The following STXBP6 variants were observed in gnomAD, a reference collection of about 807,000 sequenced individuals.
STXBP6 encodes syntaxin binding protein 6, also known as syntaxin-binding protein 6.
Under a neutral mutation model 26.9 loss-of-function variants are expected in STXBP6, and 21 were observed. The ratio of observed to expected loss-of-function variants is 0.78; its 90% CI spans 0.55 to 1.12. The LOEUF (loss-of-function observed/expected upper bound fraction) is 1.12. STXBP6 is among the 50% of genes most tolerant of loss of function. STXBP6 has a pLI of 0.00. For synonymous variants in STXBP6, 97 were observed against 92.6 expected, an observed-to-expected ratio of 1.05 and a Z score of -0.27; for missense variants, 232 against 257.9, an observed-to-expected ratio of 0.90 and a Z score of 0.69.
intron 2 of STXBP6, among the ~76,000 whole-genome samples, chr14:24,896,957 G>A (rs2071012662): frequency 6.6e-6 from 1 of 152,150 alleles, no homozygotes; most frequent in Non-Finnish European, 1.5e-5. Context: ...TGTACCACTG[G>A]GTGAGACATA....
chr14:24,916,708 G>T (rs148218664), intron 2 of STXBP6, among the ~76,000 whole-genome samples: 31 of 152,066 alleles, frequency 2.0e-4, no homozygotes, highest in South Asian at 1.7e-3. Context: ...GGACACCTGG[G>T]GACCTTAGGT....
chr14:25,015,898 A>T (rs940987570), intron 1 of STXBP6, among the ~76,000 whole-genome samples: 64 of 152,204 alleles, frequency 4.2e-4, no homozygotes, highest in Admixed American at 3.9e-4. Flanking sequence ...ACAACTCAAC[A>T]TATGGCAGTG....
intron 5 of STXBP6, chr14:24,815,801 C>T (rs2067957254): frequency 6.6e-6 from 1 of 152,138 alleles, no homozygotes; most frequent in African/African-American, 2.4e-5. Context: ...AGATCTGTTT[C>T]TGCGATTGTG....
intron 2 of STXBP6, among the ~76,000 whole-genome samples, chr14:24,879,226 T>G (rs963349470): frequency 6.6e-6 from 1 of 152,206 alleles, no homozygotes; most frequent in African/African-American, 2.4e-5. Context: ...AAATAATATG[T>G]AAGATTGGTT....
Position 24,812,554 on chromosome 14 carries a change from C to T in STXBP6, c.*155G>A. On this transcript the variant is annotated 3_prime_UTR_variant, in exon 6 of 6. Transcript: ENST00000323944. ...GAAATGTAAAAATGCAACACCCTTT[C>T]TTTCACATTAACATCTGAAAAGAAA... 1.5e-6 allele frequency: 1 copy of T among 659,394 alleles called. No individual in the cohort carries two copies. Among genetic ancestry groups the T allele is most frequent in the African/African-American group, 1.8e-5 (1 of 54,692 alleles). The allele number at this position is 659,394 out of a possible 1,614,324, so 40.8% of individuals were successfully genotyped here. A position where few individuals can be genotyped will look rare whatever the true frequency, so the allele number is the denominator to read the frequency against.
At position 24,918,147 on chromosome 14, in the gene STXBP6, T is replaced by C. The variant is rs533343877; in HGVS notation, c.154+56518A>G. On this transcript the variant is annotated intron_variant, in intron 2 of 5. Coordinates refer to ENST00000323944, the MANE Select transcript of STXBP6 (RefSeq NM_001394410.1). The stretch of plus-strand genomic sequence containing the variant: ...AATAATAGGTATGGATTTTTGTGTA[T>C]GTGGGGAGGGGTGGTGATGAAAAAA... Among the ~76,000 whole-genome samples the C allele has an allele frequency of 4.8e-4, 73 of 152,040 alleles. 1 individual carries two copies. Among genetic ancestry groups the C allele is most frequent in the African/African-American group, 1.7e-3 (72 of 41,490 alleles).
At chr14:24,818,763 G>A (rs1004453015) in intron 5 of STXBP6, among the ~76,000 whole-genome samples, 2 of 152,088 alleles carry the variant, frequency 1.3e-5, no homozygotes, top group African/African-American at 2.4e-5. Flanking sequence ...CTAAACTTCT[G>A]AGCAGGAACT....
chr14:24,936,075 T>TTTTTTGTGTCTGTAGCAGG (rs1400422612), intron 2 of STXBP6, among the ~76,000 whole-genome samples: 3 of 152,222 alleles, frequency 2.0e-5, no homozygotes, highest in Non-Finnish European at 4.4e-5. Flanking sequence ...ACTTGGCTTA[T>TTTTTTGTGTCTGTAGCAGG]TTTTTGTGTC....
intron 4 of STXBP6, among the ~76,000 whole-genome samples, chr14:24,844,204 A>G (rs886598851): frequency 2.0e-5 from 3 of 152,252 alleles, no homozygotes; most frequent in Non-Finnish European, 4.4e-5. Flanking sequence ...CCATGGGGAC[A>G]GAAGCCGCTA....
At chr14:24,892,605 C>G (rs1332559423) in intron 2 of STXBP6, among the ~76,000 whole-genome samples, 1 of 152,244 alleles carries the variant, frequency 6.6e-6, no homozygotes, top group South Asian at 2.1e-4. Flanking sequence ...CGCCCCCTCT[C>G]CATGTTGTCT....
chr14:24,967,736 A>C (rs1348358654), intron 2 of STXBP6, among the ~76,000 whole-genome samples: 2 of 152,226 alleles, frequency 1.3e-5, no homozygotes, highest in African/African-American at 4.8e-5. Context: ...CCAATGTAGG[A>C]AAGTCTATTA....
chr14:24,847,733 T>C (rs2069012075), intron 4 of STXBP6, among the ~76,000 whole-genome samples: 3 of 152,160 alleles, frequency 2.0e-5, no homozygotes, highest in Non-Finnish European at 2.9e-5. Flanking sequence ...AAAAGGAATA[T>C]TTCCATTCTC....
At chr14:25,022,442 T>A (rs924998315) in intron 1 of STXBP6, among the ~76,000 whole-genome samples, 1 of 152,084 alleles carries the variant, frequency 6.6e-6, no homozygotes, top group African/African-American at 2.4e-5. Flanking sequence ...TACGGCCAGG[T>A]AAGTTGGGGA....
intron 2 of STXBP6, among the ~76,000 whole-genome samples, chr14:24,887,748 C>T (rs1292019282): frequency 2.0e-5 from 3 of 152,088 alleles, no homozygotes; most frequent in African/African-American, 7.2e-5. Flanking sequence ...AAACCAAAAC[C>T]CACCCCTCTC....
intron 1 of STXBP6, among the ~76,000 whole-genome samples, chr14:25,027,482 CG>C (rs1243546228): frequency 6.6e-6 from 1 of 152,190 alleles, no homozygotes; most frequent in Non-Finnish European, 1.5e-5. Flanking sequence ...AGCCCTGTCC[CG>C]GTCTCTATCC....
intron 1 of STXBP6, among the ~76,000 whole-genome samples, chr14:25,039,198 A>T (rs1008748314): frequency 3.3e-5 from 5 of 152,246 alleles, no homozygotes; most frequent in African/African-American, 1.2e-4. Flanking sequence ...ATAAAATACA[A>T]AATACAACAT....
At chr14:24,845,301 C>A (rs992339379) in intron 4 of STXBP6, among the ~76,000 whole-genome samples, 1 of 152,042 alleles carries the variant, frequency 6.6e-6, no homozygotes, top group Non-Finnish European at 1.5e-5. Context: ...CATGAGCCAC[C>A]GCGCCTGGCC....
chr14:25,012,262 C>T (rs537895795), intron 1 of STXBP6, among the ~76,000 whole-genome samples: 7 of 152,280 alleles, frequency 4.6e-5, no homozygotes, highest in African/African-American at 1.4e-4. Context: ...GGTCTTAGGA[C>T]GCCTTTACAC....
At chr14:24,816,653 T>C (rs535227214) in intron 5 of STXBP6, 2 of 152,284 alleles carry the variant, frequency 1.3e-5, no homozygotes, top group African/African-American at 4.8e-5. Flanking sequence ...ATTTTCCCAC[T>C]GGTCAAGCCA....
Sources: gnomAD v4.1 joint callset for allele counts (sites outside exome capture counted in the v4.1 genomes callset) on GRCh38, gnomAD v4.1.1 for gene constraint, MANE v1.5 for transcripts, NCBI Gene and HGNC (gene_info 2026-07-23, HGNC 2026-07-21) for gene names.